The following ACSBG1 variants were observed in gnomAD, a reference collection of about 807,000 sequenced individuals.
ACSBG1 encodes the protein acyl-CoA synthetase bubblegum family member 1.
ACSBG1 carries 39 observed loss-of-function variants against 80.2 expected under a neutral mutation model. The observed-to-expected ratio is 0.49, with a 90% CI of 0.38 to 0.64. The LOEUF is 0.64. ACSBG1 is among the 30% of genes least tolerant of loss of function. The probability of loss-of-function intolerance (pLI) is 0.00; values close to 1 mark genes in which losing one functional copy is unlikely to be tolerated. For synonymous variants in ACSBG1, 392 were observed against 379.5 expected (o/e 1.03, Z -0.38); for missense variants, 828 against 966.4 (o/e 0.86, Z 1.90).
chr15:78,219,000 T>TG (rs1309557397), intron 1 of ACSBG1, among the ~76,000 whole-genome samples: 2 of 151,946 alleles, frequency 1.3e-5, no homozygotes, highest in Non-Finnish European at 2.9e-5. Flanking sequence ...TTAGTAGAGA[T>TG]GGGGTTCCAC....
intron 1 of ACSBG1, among the ~76,000 whole-genome samples, chr15:78,210,497 T>G (rs1291438619): frequency 6.6e-6 from 1 of 152,242 alleles, no homozygotes; most frequent in Non-Finnish European, 1.5e-5. Flanking sequence ...CTGACCTGAC[T>G]TGTCACACAG....
chr15:78,192,295 C>T (rs1232218599), intron 5 of ACSBG1, among the ~76,000 whole-genome samples: 1 of 152,088 alleles, frequency 6.6e-6, no homozygotes, highest in Non-Finnish European at 1.5e-5. Context: ...TGTCACCATC[C>T]TCCCCAAGGC....
At chr15:78,228,221 G>T (rs1198152563) in intron 1 of ACSBG1, among the ~76,000 whole-genome samples, 1 of 152,144 alleles carries the variant, frequency 6.6e-6, no homozygotes, top group Non-Finnish European at 1.5e-5. Context: ...GAATTGTCTG[G>T]GTAGGAGGCC....
At chr15:78,181,449 G>A (rs956244137) in intron 8 of ACSBG1, among the ~76,000 whole-genome samples, 23 of 150,612 alleles carry the variant, frequency 1.5e-4, no homozygotes, top group Middle Eastern at 3.5e-3. Flanking sequence ...CAAGTCCCGC[G>A]AACCACTCTG....
At chr15:78,186,382 C>T (rs2075004853) in intron 5 of ACSBG1, among the ~76,000 whole-genome samples, 2 of 152,146 alleles carry the variant, frequency 1.3e-5, no homozygotes, top group African/African-American at 4.8e-5. Flanking sequence ...TTTTTTTCAG[C>T]ACCACACCAC....
At position 78,167,800 on chromosome 15, in the gene ACSBG1, T is replaced by C. The variant is rs1036421445; in HGVS notation, c.*3644A>G. 5.3e-5 allele frequency: 8 copies of C among 152,240 alleles called. No homozygotes were observed. The highest frequency in any genetic ancestry group is 1.9e-4 in the African/African-American group (8 of 41,448). 9.4% of individuals were successfully genotyped at this position (152,240 alleles called of 1,614,324 possible). On this transcript the variant is annotated 3_prime_UTR_variant, in exon 14 of 14. Transcript: ENST00000258873. ...CTGGCTTATTTCACTTAGCGTAATATCTTCAAAGTTGGTCCCTTCTTTTAA... is the reference window on the plus strand; with the variant it reads ...CTGGCTTATTTCACTTAGCGTAATACCTTCAAAGTTGGTCCCTTCTTTTAA...
rs775161885 is a variant in ACSBG1 at position 78,181,961 on chromosome 15, AGACT to A, written c.1071+4_1071+7del. 3 of 1,612,832 alleles carry A rather than the reference AGACT, an allele frequency of 1.9e-6. No individual in the cohort carries two copies. Among genetic ancestry groups the A allele is most frequent in the Non-Finnish European group, 2.5e-6 (3 of 1,179,354 alleles). ...GCTCAGACGGACACACGGTAAAGGCAGACTGACCTTCAGGGCGTCGGGTTCGGCA... is the reference window on the plus strand; with the variant it reads ...GCTCAGACGGACACACGGTAAAGGCAGACCTTCAGGGCGTCGGGTTCGGCA... On this transcript the variant is annotated splice_donor_5th_base_variant and intron_variant, in intron 8 of 13. Transcript: ENST00000258873.
chr15:78,177,695 G>A lies in ACSBG1; in HGVS notation c.1702+919C>T, dbSNP rs750123669. 1.3e-5 allele frequency among the ~76,000 whole-genome samples: 2 copies of A among 152,050 alleles called. No individual in the cohort carries two copies. Among genetic ancestry groups the A allele is most frequent in the African/African-American group, 2.4e-5 (1 of 41,406 alleles). ...CCTTTTGTCCCTCCCTGGGGTGGCC[G>A]AGCCTCCATGGCCATCAGTTGGGTC... On this transcript the variant is annotated intron_variant, in intron 11 of 13. Coordinates refer to ENST00000258873, the MANE Select transcript of ACSBG1 (RefSeq NM_015162.5). This position sits in a 1 kb window ranked among gnomAD's most constrained non-coding sequence, Gnocchi z 4.1.
chr15:78,229,868 C>T (rs951609551), intron 1 of ACSBG1, among the ~76,000 whole-genome samples: 9 of 152,164 alleles, frequency 5.9e-5, no homozygotes, highest in Non-Finnish European at 7.4e-5. Context: ...TTAGTCTGGC[C>T]ACGTCAGCCT....
intron 13 of ACSBG1, 47 bp downstream of exon 13, chr15:78,173,534 ACTGCCATGGCCT>A: frequency 6.3e-7 from 1 of 1,585,014 alleles, no homozygotes; most frequent in Non-Finnish European, 8.6e-7. Context: ...CCTCCTAGGC[ACTGCCATGGCCT>A]CTGCCTTCCC....
chr15:78,193,785 G>A lies in ACSBG1; in HGVS notation c.542+147C>T, dbSNP rs536133333. 6.4e-4 allele frequency: 907 copies of A among 1,409,922 alleles called. 6 individuals are homozygous for A. In the African/African-American group the frequency reaches 0.011, roughly 17 times the overall value. The allele number at this position is 1,409,922 out of a possible 1,614,324, so 87.3% of individuals were successfully genotyped here. On this transcript the variant is annotated intron_variant, in intron 4 of 13. Coordinates refer to ENST00000258873, the MANE Select transcript of ACSBG1 (RefSeq NM_015162.5). The stretch of plus-strand genomic sequence containing the variant: ...GCACCTCCTCCCCTGCAGAGAGGGC[G>A]CCAGATGCAGGTCCACCAGAAGGCC...
chr15:78,211,072 T>C (rs541757884), intron 1 of ACSBG1, among the ~76,000 whole-genome samples: 13 of 152,214 alleles, frequency 8.5e-5, no homozygotes, highest in East Asian at 3.8e-4. Context: ...TTAGGTTACA[T>C]TGGGGGACAA....
At chr15:78,229,858 TTA>T (rs1378441721) in intron 1 of ACSBG1, among the ~76,000 whole-genome samples, 2 of 152,272 alleles carry the variant, frequency 1.3e-5, no homozygotes, top group East Asian at 3.9e-4. Context: ...CTGGCTGCCC[TTA>T]GTCTGGCCAC....
Position 78,227,092 on chromosome 15 carries a change from C to T in ACSBG1, c.131+7279G>A, listed in dbSNP as rs147172807. Among the ~76,000 whole-genome samples the T allele has an allele frequency of 4.7e-4, 71 of 151,168 alleles. 2 individuals are homozygous for T. The East Asian group carries it at 0.012, about 26-fold the overall frequency. ...AAACTTAGCTGGGCATGGTGCCACA[C>T]GCCTGTAGTCCCAGCTACTTGAAGG... On this transcript the variant is annotated intron_variant, in intron 1 of 13. Transcript: ENST00000258873.
At chr15:78,174,259 C>A in intron 12 of ACSBG1, 126 bp downstream of exon 12, 1 of 1,360,044 alleles carries the variant, frequency 7.4e-7, no homozygotes, top group South Asian at 1.3e-5. Context: ...GCAGCACGGA[C>A]TTGAGTCATT....
chr15:78,207,926 C>CCCCCCCCCCCCCCA, intron 2 of ACSBG1, 76 bp downstream of exon 2: 1 of 662,146 alleles, frequency 1.5e-6, no homozygotes, highest in Admixed American at 2.2e-5. Flanking sequence ...GTCCCCCACA[C>CCCCCCCCCCCCCCA]CACCCACCCC....
chr15:78,223,798 T>C (rs1199178331), intron 1 of ACSBG1, among the ~76,000 whole-genome samples: 2 of 152,238 alleles, frequency 1.3e-5, no homozygotes, highest in Non-Finnish European at 2.9e-5. Flanking sequence ...AAGATTATCT[T>C]GTATTATCCA....
chr15:78,186,100 T>C (rs889641215), intron 5 of ACSBG1, among the ~76,000 whole-genome samples: 30 of 152,198 alleles, frequency 2.0e-4, no homozygotes, highest in African/African-American at 7.0e-4. Flanking sequence ...ATGTTTAGGA[T>C]AGTTAGCTCT....
At chr15:78,173,285 C>T (rs1455155445) in intron 13 of ACSBG1, among the ~76,000 whole-genome samples, 1 of 127,302 alleles carries the variant, frequency 7.9e-6, no homozygotes, top group Non-Finnish European at 1.5e-5. Context: ...GTGCAGGTTG[C>T]AGTGAGCCAA....
Sources: allele counts gnomAD v4.1 joint callset (sites outside exome capture counted in the v4.1 genomes callset), GRCh38; gene constraint gnomAD v4.1.1; non-coding constraint Gnocchi (gnomAD v3.1); transcripts MANE v1.5; gene names NCBI Gene and HGNC (gene_info 2026-07-23, HGNC 2026-07-21).